ACAD11: variants seen among roughly 807,000 people sequenced by gnomAD.
ACAD11 encodes acyl-CoA dehydrogenase family member 11.
A neutral mutation model predicts 102.2 loss-of-function variants in ACAD11; 83 were observed. The ratio of observed to expected loss-of-function variants is 0.81; its 90% CI spans 0.68 to 0.97. The LOEUF (loss-of-function observed/expected upper bound fraction) is 0.97, where lower values mean the gene tolerates loss of function less well. Among genes scored for constraint, ACAD11 ranks in the 50% least tolerant of loss-of-function variants. The probability of loss-of-function intolerance (pLI) is 0.00; values close to 1 mark genes in which losing one functional copy is unlikely to be tolerated. For missense variants in ACAD11, 901 were observed against 951.7 expected, an observed-to-expected ratio of 0.95 and a Z score of 0.70; for synonymous variants, 324 against 319.8, an observed-to-expected ratio of 1.01 and a Z score of -0.14.
At chr3:132,631,291 A>G (rs1157560069) in intron 6 of ACAD11, 50 bp downstream of exon 6, 8 of 1,163,914 alleles carry the variant, frequency 6.9e-6, no homozygotes, top group Non-Finnish European at 9.1e-6. Flanking sequence ...TGAAAGTAAT[A>G]AAGACAGTTT....
chr3:132,626,553 A>G (rs1939821168), intron 9 of ACAD11, 138 bp downstream of exon 9: 2 of 925,892 alleles, frequency 2.2e-6, no homozygotes, highest in Non-Finnish European at 3.2e-6. Context: ...ATCGTGGCTT[A>G]GTTCTAAGGT....
chr3:132,623,208 A>G (rs1939671904), intron 9 of ACAD11, among the ~76,000 whole-genome samples: 1 of 152,336 alleles, frequency 6.6e-6, no homozygotes, highest in East Asian at 1.9e-4. Context: ...ATTTGAAAAT[A>G]TCTAAAAATA....
chr3:132,628,192 G>A lies in ACAD11; in HGVS notation c.1070+148C>T, dbSNP rs111578578. ...TTAGGTCAATTTGTTTTTAGGCATA[G>A]AAGAGATTTACCAAAAATCTATTGT... is the stretch of plus-strand genomic sequence containing the variant. On this transcript the variant is annotated intron_variant, in intron 8 of 19. Transcript: ENST00000264990. 2,594 of 456,806 alleles carry A rather than the reference G, an allele frequency of 5.7e-3. 49 individuals are homozygous for A. Among genetic ancestry groups the A allele is most frequent in the African/African-American group, 0.044 (2,162 of 49,570 alleles). The allele number at this position is 456,806 out of a possible 1,614,324, so 28.3% of individuals were successfully genotyped here.
At chr3:132,598,647 C>A (rs1056611073) in intron 13 of ACAD11, among the ~76,000 whole-genome samples, 2 of 152,130 alleles carry the variant, frequency 1.3e-5, no homozygotes, top group African/African-American at 4.8e-5. Context: ...GGAATTGGCC[C>A]TTCCAGGGAA....
chr3:132,575,661 A>G (rs1038830500), intron 17 of ACAD11, 111 bp downstream of exon 17: 1 of 1,316,284 alleles, frequency 7.6e-7, no homozygotes, highest in Non-Finnish European at 1.0e-6. Flanking sequence ...CTTATTGAAA[A>G]GAATCACCCG....
chr3:132,634,425 T>C (rs1164703567), intron 5 of ACAD11, among the ~76,000 whole-genome samples: 3 of 151,992 alleles, frequency 2.0e-5, no homozygotes, highest in African/African-American at 7.3e-5. Context: ...GGAGAGGATG[T>C]GGAGAAATAG....
At chr3:132,634,726 A>G (rs906448456) in intron 5 of ACAD11, among the ~76,000 whole-genome samples, 1 of 152,220 alleles carries the variant, frequency 6.6e-6, no homozygotes, top group Non-Finnish European at 1.5e-5. Context: ...CTATGCAGCC[A>G]TAAAAAATGA....
rs1937516790 is a variant in ACAD11 at position 132,575,919 on chromosome 3, A to G, written c.1854T>C (p.Gly618=). ...GGCCTTGGGAAATTTCAAATCCCCTACCTTCACCTGGGAAGAAAGGGGAAA... is the reference window on the plus strand; with the variant it reads ...GGCCTTGGGAAATTTCAAATCCCCTGCCTTCACCTGGGAAGAAAGGGGAAA... ...VPATNLILGE[G]RGFEISQGRL... The change falls in exon 17 of 20, where the codon GGT becomes GGC. Residue 618 remains glycine, a synonymous_variant. Coordinates refer to ENST00000264990, the MANE Select transcript of ACAD11 (RefSeq NM_032169.5). The G allele has an allele frequency of 6.2e-7, 1 of 1,613,722 alleles. No homozygotes were observed. The highest frequency in any genetic ancestry group is 1.1e-5 in the South Asian group (1 of 91,040).
chr3:132,650,797 G>T (rs1940900489), intron 1 of ACAD11, among the ~76,000 whole-genome samples: 1 of 152,048 alleles, frequency 6.6e-6, no homozygotes, highest in Non-Finnish European at 1.5e-5. Flanking sequence ...CACCGGAACT[G>T]GTTTCATTGT....
In ACAD11 at chr3:132,558,898, T is replaced by C; in HGVS notation, c.*73A>G. 1 of 1,103,304 alleles carries C rather than the reference T, an allele frequency of 9.1e-7. No individual in the cohort carries two copies. The highest frequency in any genetic ancestry group is 1.3e-6 in the Non-Finnish European group (1 of 743,122). The allele number at this position is 1,103,304 out of a possible 1,614,324, so 68.3% of individuals were successfully genotyped here. A position where few individuals can be genotyped will look rare whatever the true frequency, so the allele number is the denominator to read the frequency against. On this transcript the variant is annotated 3_prime_UTR_variant, in exon 20 of 20. Coordinates refer to ENST00000264990, the MANE Select transcript of ACAD11 (RefSeq NM_032169.5). ...CTCAAACTGCTACAAAAATATGAGA[T>C]TCAAATGTTGGAGCCAATGAAGTTT...
At chr3:132,602,203 C>G (rs1055834333) in intron 13 of ACAD11, 1 of 164,952 alleles carries the variant, frequency 6.1e-6, no homozygotes, top group African/African-American at 2.4e-5. Flanking sequence ...AAAAAAAAAA[C>G]AAACTATAAT....
chr3:132,570,000 C>A (rs1321251519), intron 17 of ACAD11, among the ~76,000 whole-genome samples: 2 of 152,124 alleles, frequency 1.3e-5, no homozygotes, highest in South Asian at 4.1e-4. Flanking sequence ...ATTTCTTATA[C>A]CTGTATGTGA....
rs140845866 is a variant in ACAD11 at position 132,604,683 on chromosome 3, G to A, written c.1522+415C>T. On this transcript the variant is annotated intron_variant, in intron 12 of 19. Transcript: ENST00000264990. The stretch of plus-strand genomic sequence containing the variant: ...TTTGAGCCATATGTCCAGTACTGGT[G>A]AAATTTCTATTTTTCTGGGTTTATG... Among the ~76,000 whole-genome samples the A allele has an allele frequency of 4.6e-5, 7 of 152,222 alleles. No homozygotes were observed. The East Asian group carries it at 1.2e-3, about 25-fold the overall frequency.
chr3:132,608,688 T>C (rs879161648), intron 11 of ACAD11, among the ~76,000 whole-genome samples: 1 of 152,042 alleles, frequency 6.6e-6, no homozygotes, highest in Non-Finnish European at 1.5e-5. Context: ...CACACAATAA[T>C]AGTGGGAGAC....
At chr3:132,583,317 GA>G (rs1462178701) in intron 13 of ACAD11, among the ~76,000 whole-genome samples, 1 of 152,114 alleles carries the variant, frequency 6.6e-6, no homozygotes, top group African/African-American at 2.4e-5. Context: ...ATTTCTTCTA[GA>G]TTTTCTAGTT....
intron 17 of ACAD11, among the ~76,000 whole-genome samples, chr3:132,569,049 A>T (rs1937303007): frequency 6.6e-6 from 1 of 152,156 alleles, no homozygotes. Context: ...CGACCCTGTT[A>T]AGAGGATGAA....
chr3:132,583,407 C>T (rs1937649681), intron 13 of ACAD11, among the ~76,000 whole-genome samples: 2 of 152,080 alleles, frequency 1.3e-5, no homozygotes, highest in Non-Finnish European at 2.9e-5. Context: ...TCCCCTTTAT[C>T]ATTTTTTATT....
intron 4 of ACAD11, among the ~76,000 whole-genome samples, chr3:132,641,638 A>AGAGGAAGAAGAGGAAGAAGAG (rs1559973887): frequency 8.2e-6 from 1 of 122,392 alleles, no homozygotes; most frequent in Non-Finnish European, 1.6e-5. Flanking sequence ...AGGAGGAAGA[A>AGAGGAAGAAGAGGAAGAAGAG]GAGGAAGAAG....
intron 1 of ACAD11, chr3:132,646,997 A>T (rs1034157968): frequency 1.3e-5 from 2 of 152,242 alleles, no homozygotes; most frequent in African/African-American, 4.8e-5. Context: ...TTTTAGAACT[A>T]GATAGTGGTG....
Sources: gnomAD v4.1 joint callset for allele counts (sites outside exome capture counted in the v4.1 genomes callset) on GRCh38, gnomAD v4.1.1 for gene constraint, MANE v1.5 for transcripts, NCBI Gene and HGNC (gene_info 2026-07-23, HGNC 2026-07-21) for gene names.